Variants in DAB1 observed in about 807,000 individuals in gnomAD.
The protein encoded by DAB1 is DAB adaptor protein 1.
A neutral mutation model predicts 64.6 loss-of-function variants in DAB1; 15 were observed. The ratio of observed to expected loss-of-function variants is 0.23; its 90% CI spans 0.16 to 0.36. The LOEUF (loss-of-function observed/expected upper bound fraction) is 0.36. DAB1 is among the 10% of genes least tolerant of loss of function. DAB1 has a pLI of 1.00. For missense variants in DAB1, 596 were observed against 706.7 expected (o/e 0.84, Z 1.78); for synonymous variants, 235 against 251.9 (o/e 0.93, Z 0.64).
intron 9 of DAB1, among the ~76,000 whole-genome samples, chr1:57,060,340 C>T (rs561985119): frequency 7.9e-5 from 12 of 151,828 alleles, no homozygotes; most frequent in African/African-American, 2.4e-4. Flanking sequence ...TTAGTAGAGA[C>T]GGGGTTTCAC....
At chr1:57,396,088 C>T (rs1217077390) in intron 1 of DAB1, among the ~76,000 whole-genome samples, 21 of 152,194 alleles carry the variant, frequency 1.4e-4, no homozygotes, top group Admixed American at 1.4e-3. Context: ...TAGAGAAAGG[C>T]ACAGCAAGAG....
intron 3 of DAB1, among the ~76,000 whole-genome samples, chr1:58,474,330 C>T (rs1645397677): frequency 1.3e-5 from 2 of 152,090 alleles, no homozygotes; most frequent in South Asian, 4.2e-4. Flanking sequence ...ACCTTGAATC[C>T]TCAGTGGTTT....
In DAB1 at chr1:57,921,966, G is replaced by A. The variant is rs568116174; in HGVS notation, n.388-37804C>T. On this transcript the variant is annotated intron_variant and non_coding_transcript_variant, in intron 5 of 20. Coordinates refer to the DAB1 transcript ENST00000485760. ...GTTTCTTGAGCTAACCCTCACCTTCGTATTCACTCTTTCCTCAGCCTGAAA... is the reference window on the plus strand; with the variant it reads ...GTTTCTTGAGCTAACCCTCACCTTCATATTCACTCTTTCCTCAGCCTGAAA... Among the ~76,000 whole-genome samples the A allele has an allele frequency of 1.4e-3, 220 of 152,142 alleles. 1 individual carries two copies. Among genetic ancestry groups the A allele is most frequent in the African/African-American group, 4.8e-3 (200 of 41,494 alleles).
At chr1:58,231,577 C>T (rs1028110968) in intron 4 of DAB1, among the ~76,000 whole-genome samples, 22 of 152,270 alleles carry the variant, frequency 1.4e-4, no homozygotes, top group African/African-American at 4.8e-4. Flanking sequence ...GACAGGAGTG[C>T]TAGACAAAGG....
In DAB1 at chr1:58,359,379, T is replaced by G. The variant is rs573857095; in HGVS notation, n.258-15976A>C. Among the ~76,000 whole-genome samples the G allele has an allele frequency of 5.9e-5, 9 of 152,340 alleles. No homozygotes were observed. The South Asian group carries it at 6.2e-4, about 11-fold the overall frequency. Reference sequence around the variant, plus strand: ...CAGTGTTCTTTCCACTAAACCACACTAAACTTCTGGTTGGAGATGTGAAGA... The same window carrying G: ...CAGTGTTCTTTCCACTAAACCACACGAAACTTCTGGTTGGAGATGTGAAGA... On this transcript the variant is annotated intron_variant and non_coding_transcript_variant, in intron 3 of 20. Transcript: ENST00000485760.
At chr1:57,815,516 T>C (rs148699230) in intron 6 of DAB1, among the ~76,000 whole-genome samples, 2 of 152,324 alleles carry the variant, frequency 1.3e-5, no homozygotes, top group East Asian at 3.9e-4. Flanking sequence ...TATGTAGGTA[T>C]TAAATTGTGA....
chr1:57,471,273 T>A (rs1687124517), intron 7 of DAB1, among the ~76,000 whole-genome samples: 1 of 152,178 alleles, frequency 6.6e-6, no homozygotes, highest in African/African-American at 2.4e-5. Flanking sequence ...AAAAATTAGT[T>A]GTAAAGCAAA....
At chr1:57,361,075 A>G (rs1372209211) in intron 1 of DAB1, among the ~76,000 whole-genome samples, 1 of 152,126 alleles carries the variant, frequency 6.6e-6, no homozygotes, top group East Asian at 1.9e-4. Flanking sequence ...AACAGAGGAC[A>G]CCACAGAACA....
intron 4 of DAB1, among the ~76,000 whole-genome samples, chr1:58,331,678 G>A (rs934869754): frequency 6.6e-6 from 1 of 152,188 alleles, no homozygotes; most frequent in Non-Finnish European, 1.5e-5. Flanking sequence ...AGGATTTGCT[G>A]AAGGCTGAGA....
intron 7 of DAB1, among the ~76,000 whole-genome samples, chr1:57,590,409 T>C (rs865883397): frequency 3.0e-4 from 45 of 152,016 alleles, no homozygotes; most frequent in East Asian, 2.3e-3. Context: ...AACCTCCACC[T>C]CCCGGTTTCA....
intron 7 of DAB1, among the ~76,000 whole-genome samples, chr1:57,616,210 T>G (rs926162951): frequency 2.0e-5 from 3 of 152,178 alleles, no homozygotes; most frequent in African/African-American, 7.2e-5. Flanking sequence ...ATTTCCTGTT[T>G]CTTCTGTCCA....
At chr1:57,972,315 C>T (rs985969566) in intron 5 of DAB1, among the ~76,000 whole-genome samples, 5 of 152,186 alleles carry the variant, frequency 3.3e-5, no homozygotes, top group African/African-American at 1.2e-4. Flanking sequence ...TAGCTCACTG[C>T]AGCGTTGAAT....
At chr1:57,832,342 C>A (rs1301818229) in intron 1 of DAB1, among the ~76,000 whole-genome samples, 4 of 152,134 alleles carry the variant, frequency 2.6e-5, no homozygotes, top group Non-Finnish European at 5.9e-5. Context: ...AAAAAAGTGA[C>A]AATCATACCA....
At chr1:57,117,886 GA>G (rs557635918) in intron 4 of DAB1, among the ~76,000 whole-genome samples, 1 of 150,694 alleles carries the variant, frequency 6.6e-6, no homozygotes, top group African/African-American at 2.4e-5. Context: ...GGGGTGTGGG[GA>G]GGGGGGATGG....
chr1:58,527,486 A>T, intron 1 of DAB1: 1 of 585,582 alleles, frequency 1.7e-6, no homozygotes, highest in Non-Finnish European at 3.0e-6. Flanking sequence ...CCATGATATA[A>T]AATATAAACA....
intron 6 of DAB1, among the ~76,000 whole-genome samples, chr1:57,719,687 G>T (rs1187182469): frequency 6.6e-6 from 1 of 152,196 alleles, no homozygotes; most frequent in Admixed American, 6.5e-5. Flanking sequence ...CTTCCACTAT[G>T]AAGGCCACTA....
chr1:57,799,681 G>T (rs188416718), intron 6 of DAB1, among the ~76,000 whole-genome samples: 1 of 151,998 alleles, frequency 6.6e-6, no homozygotes, highest in African/African-American at 2.4e-5. Flanking sequence ...AATCTGGCTC[G>T]CCATCTGTTT....
chr1:57,452,532 C>A (rs74453402), intron 7 of DAB1, among the ~76,000 whole-genome samples: 1 of 151,930 alleles, frequency 6.6e-6, no homozygotes, highest in South Asian at 2.1e-4. Flanking sequence ...ACAACCTGAA[C>A]GTTTTATCTC....
intron 2 of DAB1, among the ~76,000 whole-genome samples, chr1:57,207,749 T>C (rs935944182): frequency 7.2e-5 from 11 of 152,336 alleles, no homozygotes; most frequent in Admixed American, 3.3e-4. Context: ...CGGCACCTTA[T>C]TTCCTTTCAA....
Sources: allele counts gnomAD v4.1 joint callset (sites outside exome capture counted in the v4.1 genomes callset), GRCh38; gene constraint gnomAD v4.1.1; transcripts MANE v1.5; gene names NCBI Gene and HGNC (gene_info 2026-07-23, HGNC 2026-07-21).